The following NCKAP5 variants were observed in gnomAD, a reference collection of about 807,000 sequenced individuals.
NCKAP5 encodes the protein nck-associated protein 5.
NCKAP5 carries 92 observed loss-of-function variants against 167.0 expected under a neutral mutation model. The ratio of observed to expected loss-of-function variants is 0.55; its 90% CI spans 0.47 to 0.66. The LOEUF is 0.66. NCKAP5 is among the 30% of genes least tolerant of loss of function. The probability of loss-of-function intolerance (pLI) is 0.00; values close to 1 mark genes in which losing one functional copy is unlikely to be tolerated. For synonymous variants in NCKAP5, 891 were observed against 877.4 expected (o/e 1.02, Z -0.27); for missense variants, 2,378 against 2,315.0 (o/e 1.03, Z -0.56).
intron 16 of NCKAP5, among the ~76,000 whole-genome samples, chr2:132,770,524 C>T (rs765496994): frequency 3.3e-5 from 5 of 150,610 alleles, no homozygotes; most frequent in Non-Finnish European, 7.4e-5. Context: ...TTGTCATTTA[C>T]TTGTGGCCAG....
At chr2:133,347,855 AC>A (rs1441342494) in intron 3 of NCKAP5, among the ~76,000 whole-genome samples, 2 of 152,188 alleles carry the variant, frequency 1.3e-5, no homozygotes, top group African/African-American at 2.4e-5. Context: ...CTGCCTTCTG[AC>A]CAAATCAGCT....
At chr2:133,556,554 G>A (rs549057963) in intron 2 of NCKAP5, among the ~76,000 whole-genome samples, 1 of 152,306 alleles carries the variant, frequency 6.6e-6, no homozygotes, top group African/African-American at 2.4e-5. Context: ...TGTATTCAGT[G>A]TAGATTGTAC....
chr2:132,780,756 G>A (rs1476277267), intron 15 of NCKAP5, among the ~76,000 whole-genome samples: 3 of 152,184 alleles, frequency 2.0e-5, no homozygotes, highest in Non-Finnish European at 2.9e-5. Flanking sequence ...GTAATTTGAA[G>A]ATGATACCAG....
intron 2 of NCKAP5, among the ~76,000 whole-genome samples, chr2:133,542,557 G>A (rs1686315690): frequency 6.6e-6 from 1 of 152,084 alleles, no homozygotes; most frequent in Admixed American, 6.6e-5. Flanking sequence ...AGAACATGCC[G>A]CCATATTTCA....
At chr2:133,290,537 A>G (rs1056716654) in intron 4 of NCKAP5, among the ~76,000 whole-genome samples, 10 of 152,170 alleles carry the variant, frequency 6.6e-5, no homozygotes, top group Non-Finnish European at 1.5e-4. Context: ...TTGGTTAAAC[A>G]CTTTATGATT....
At chr2:133,297,935 C>T (rs546841367) in intron 4 of NCKAP5, among the ~76,000 whole-genome samples, 6 of 152,210 alleles carry the variant, frequency 3.9e-5, no homozygotes, top group Non-Finnish European at 8.8e-5. Context: ...ATTTGTTTAA[C>T]TTCAGGCAAT....
chr2:132,774,205 C>A (rs933537334), intron 15 of NCKAP5, among the ~76,000 whole-genome samples: 24 of 152,124 alleles, frequency 1.6e-4, no homozygotes, highest in African/African-American at 5.8e-4. Flanking sequence ...GAGATAACAG[C>A]TTAGCTTGTT....
At chr2:133,131,868 A>G (rs1201336023) in intron 5 of NCKAP5, among the ~76,000 whole-genome samples, 1 of 152,182 alleles carries the variant, frequency 6.6e-6, no homozygotes, top group African/African-American at 2.4e-5. Flanking sequence ...TACACAATTG[A>G]CATTCCTCTT....
intron 6 of NCKAP5, among the ~76,000 whole-genome samples, chr2:133,050,013 T>A (rs1464323113): frequency 2.0e-5 from 3 of 152,188 alleles, no homozygotes. Flanking sequence ...AGATAATACA[T>A]CCTTTTGAGT....
chr2:132,829,364 C>A (rs996648353), intron 11 of NCKAP5, among the ~76,000 whole-genome samples: 5 of 151,892 alleles, frequency 3.3e-5, no homozygotes, highest in African/African-American at 1.2e-4. Flanking sequence ...CTAAAAAGCC[C>A]CACAGGAGAT....
chr2:132,752,349 T>G (rs1340895799), intron 16 of NCKAP5, among the ~76,000 whole-genome samples: 1 of 152,226 alleles, frequency 6.6e-6, no homozygotes, highest in Non-Finnish European at 1.5e-5. Context: ...CAAAATGAGT[T>G]TTGAATTCAG....
chr2:133,608,705 A>C, the NCKAP5 span, among the ~76,000 whole-genome samples: 3 of 152,196 alleles, frequency 2.0e-5, no homozygotes, highest in African/African-American at 7.2e-5. Flanking sequence ...AAAATATCAC[A>C]GTTGACGATG....
intron 6 of NCKAP5, among the ~76,000 whole-genome samples, chr2:133,101,123 C>T (rs1278547424): frequency 6.7e-6 from 1 of 150,284 alleles, no homozygotes; most frequent in African/African-American, 2.5e-5. Context: ...CTACATATGG[C>T]TAGCCAGTTT....
chr2:132,973,805 C>T (rs1027162575), intron 7 of NCKAP5, among the ~76,000 whole-genome samples: 1 of 151,944 alleles, frequency 6.6e-6, no homozygotes, highest in Admixed American at 6.6e-5. Context: ...AAGGTTAAAG[C>T]TACCTGTAAG....
At chr2:133,462,456 T>C (rs1235655369) in intron 3 of NCKAP5, among the ~76,000 whole-genome samples, 2 of 152,242 alleles carry the variant, frequency 1.3e-5, no homozygotes, top group Non-Finnish European at 2.9e-5. Flanking sequence ...GTTTGTTTTA[T>C]ATTTTTAACC....
intron 3 of NCKAP5, among the ~76,000 whole-genome samples, chr2:133,304,946 T>G (rs1048360924): frequency 6.6e-6 from 1 of 152,116 alleles, no homozygotes; most frequent in African/African-American, 2.4e-5. Flanking sequence ...AGAAGAAGAC[T>G]CTAAGCAAGT....
rs545495358 is a variant in NCKAP5 at position 133,505,787 on chromosome 2, C to T, written c.69+11671G>A. ...TTTAAAATTAGTGCTTTGCACACAG[C>T]AAGTTCTTAATACAGCTTTCTTCCT... On this transcript the variant is annotated intron_variant, in intron 3 of 19. Transcript: ENST00000409261. Among the ~76,000 whole-genome samples, 6 of 152,292 alleles carry T rather than the reference C, an allele frequency of 3.9e-5. No individual in the cohort carries two copies. In the South Asian group the frequency reaches 1.0e-3, roughly 26 times the overall value.
chr2:132,958,612 C>A (rs963803451), intron 8 of NCKAP5, among the ~76,000 whole-genome samples: 1 of 152,150 alleles, frequency 6.6e-6, no homozygotes, highest in Non-Finnish European at 1.5e-5. Context: ...CATCTTCTTC[C>A]ATTTTTTAAA....
chr2:133,270,912 A>AT (rs1255134862), intron 4 of NCKAP5, among the ~76,000 whole-genome samples: 12,903 of 128,058 alleles, frequency 0.1, 689 homozygotes, highest in Middle Eastern at 0.14. Context: ...GTTGCTTCAA[A>AT]TTTTTTTTTT....
Sources: gnomAD v4.1 joint callset for allele counts (sites outside exome capture counted in the v4.1 genomes callset) on GRCh38, gnomAD v4.1.1 for gene constraint, MANE v1.5 for transcripts, NCBI Gene and HGNC (gene_info 2026-07-23, HGNC 2026-07-21) for gene names.